NUP85: variants seen among roughly 807,000 people sequenced by gnomAD.
The protein encoded by NUP85 is nuclear pore complex protein Nup85.
Under a neutral mutation model 92.8 loss-of-function variants are expected in NUP85, and 23 were observed. That is an observed-to-expected ratio of 0.25 (90% CI 0.18 to 0.35). The LOEUF is 0.35. Among genes scored for constraint, NUP85 ranks in the 10% least tolerant of loss-of-function variants. NUP85 has a pLI of 1.00. For missense variants in NUP85, 759 were observed against 822.8 expected, an observed-to-expected ratio of 0.92 and a Z score of 0.95; for synonymous variants, 314 against 306.9, an observed-to-expected ratio of 1.02 and a Z score of -0.24.
chr17:75,208,481 A>G, intron 1 of NUP85, 46 bp from the exon 2 acceptor site: 1 of 1,032,272 alleles, frequency 9.7e-7, no homozygotes, highest in South Asian at 1.4e-5. Context: ...CAACTTCAGT[A>G]AGAAGAACAT....
intron 18 of NUP85, 53 bp downstream of exon 18, chr17:75,235,254 C>T: frequency 7.4e-7 from 1 of 1,352,230 alleles, no homozygotes. Context: ...AAAAGGCTCC[C>T]TCTATCTCAG....
chr17:75,234,384 C>CTTGTTATGTA (rs2076239796), intron 16 of NUP85, among the ~76,000 whole-genome samples: 1 of 152,278 alleles, frequency 6.6e-6, no homozygotes, highest in East Asian at 1.9e-4. Context: ...ATCCATGACT[C>CTTGTTATGTA]TTGTTATGTA....
At chr17:75,206,254 C>A (rs1261929102) in intron 1 of NUP85, among the ~76,000 whole-genome samples, 1 of 152,084 alleles carries the variant, frequency 6.6e-6, no homozygotes, top group Non-Finnish European at 1.5e-5. Context: ...TCCATTTGAA[C>A]TTTGAAGACA....
At chr17:75,221,691 G>A (rs997190596) in intron 7 of NUP85, among the ~76,000 whole-genome samples, 1 of 152,200 alleles carries the variant, frequency 6.6e-6, no homozygotes, top group Non-Finnish European at 1.5e-5. Flanking sequence ...TTGATGCACA[G>A]TAAAAGCTAG....
rs750922664 is a variant in NUP85 at position 75,225,233 on chromosome 17, T to G, written c.728T>G (p.Leu243Arg). ...MGDLMRTMPI[L>R]SPGNTQTLTE... ...GACCTGATGAGGACAATGCCCATTC[T>G]TAGTGTACGTGGGGGTAGCTTTGCT... Residue 243 changes from leucine to arginine, a missense_variant, in exon 8 of 19, where the codon CTT (leucine) becomes CGT (arginine). Transcript: ENST00000245544. 1.8e-5 allele frequency: 29 copies of G among 1,604,602 alleles called. No individual in the cohort carries two copies. The highest frequency in any genetic ancestry group is 2.3e-5 in the Non-Finnish European group (27 of 1,173,724).
At chr17:75,228,329 A>G (rs2075904115) in intron 11 of NUP85, 2 of 985,428 alleles carry the variant, frequency 2.0e-6, no homozygotes, top group Non-Finnish European at 2.4e-6. Context: ...TTAGGCTTGC[A>G]GTCCCCCAGT....
intron 11 of NUP85, among the ~76,000 whole-genome samples, chr17:75,227,335 T>TTTG (rs2075845039): frequency 8.1e-6 from 1 of 123,986 alleles, no homozygotes; most frequent in Non-Finnish European, 1.7e-5. Context: ...GGTTTTTTTT[T>TTTG]TTTTTTTTTT....
At chr17:75,213,141 G>A (rs1321610266) in intron 5 of NUP85, 22 bp downstream of exon 5, 1 of 1,612,006 alleles carries the variant, frequency 6.2e-7, no homozygotes, top group African/African-American at 1.3e-5. Flanking sequence ...CACCTTTATT[G>A]TTTTAGCACC....
At chr17:75,213,545 G>A (rs937641260) in intron 5 of NUP85, among the ~76,000 whole-genome samples, 5 of 151,840 alleles carry the variant, frequency 3.3e-5, no homozygotes, top group East Asian at 3.9e-4. Flanking sequence ...CACCCGCCTC[G>A]ACCTCCCAAA....
At chr17:75,221,561 T>G (rs2075599510) in intron 7 of NUP85, among the ~76,000 whole-genome samples, 1 of 152,184 alleles carries the variant, frequency 6.6e-6, no homozygotes, top group African/African-American at 2.4e-5. Context: ...TTGAGTGAGC[T>G]ACTTAACGGC....
At chr17:75,208,280 G>GAAA (rs56256592) in intron 1 of NUP85, 535 of 303,990 alleles carry the variant, frequency 1.8e-3, no homozygotes, top group Non-Finnish European at 2.4e-3. Flanking sequence ...TACTAAAAAT[G>GAAA]AAAAAAAAAA....
At chr17:75,228,566 G>A (rs553412638) in intron 11 of NUP85, 46 of 985,318 alleles carry the variant, frequency 4.7e-5, no homozygotes, top group Non-Finnish European at 5.5e-5. Context: ...GGTTGAATTG[G>A]GGTCTTGTGG....
At position 75,234,647 on chromosome 17, in the gene NUP85, C is replaced by T. The variant is rs367921124; in HGVS notation, c.1626C>T (p.Arg542=). The T allele has an allele frequency of 1.7e-5, 27 of 1,614,016 alleles. No homozygotes were observed. The highest frequency in any genetic ancestry group is 4.5e-5 in the East Asian group (2 of 44,884). The change falls in exon 17 of 19, where the codon CGC becomes CGT. Residue 542 remains arginine, a synonymous_variant. Transcript: ENST00000245544. ...SDRLTFLGKY[R]EFHRMYGEKR... is the part of the protein sequence containing the mutation. The stretch of plus-strand genomic sequence containing the variant: ...CTTGTTTCGCCATAGGAAAGTATCG[C>T]GAGTTCCACCGTATGTACGGGGAGA...
chr17:75,215,599 G>T (rs1023859988), intron 5 of NUP85, among the ~76,000 whole-genome samples, 155 bp from the exon 6 acceptor site: 8 of 152,196 alleles, frequency 5.3e-5, no homozygotes, highest in Non-Finnish European at 1.2e-4. Flanking sequence ...ACATCCTCAC[G>T]CTGGCTCCCC....
chr17:75,225,880 C>T lies in NUP85; in HGVS notation c.987+51C>T, dbSNP rs1241266799. On this transcript the variant is annotated intron_variant, in intron 10 of 18. Coordinates refer to ENST00000245544, the MANE Select transcript of NUP85 (RefSeq NM_024844.5). ...GTGGGGGTAGGAGTCCTGGGGGCGCCCTGATGGGTCATTCTCTTTGAATTC... is the reference window on the plus strand; with the variant it reads ...GTGGGGGTAGGAGTCCTGGGGGCGCTCTGATGGGTCATTCTCTTTGAATTC... 6 of 1,609,580 alleles carry T rather than the reference C, an allele frequency of 3.7e-6. No homozygotes were observed. In the Admixed American group the frequency reaches 6.7e-5, roughly 18 times the overall value.
rs1005460276 is a variant in NUP85, at chr17:75,231,631, C to T, written c.1237C>T (p.His413Tyr). The stretch of plus-strand genomic sequence containing the variant: ...GGAGTACGCCTCGGGACTGTTTGCT[C>T]ATCCCAGGTAGGAAGGACCCCATGG... ...LLEYASGLFAHPSLWQLGVDY... is the reference protein window; with the variant it reads ...LLEYASGLFAYPSLWQLGVDY... The change falls in exon 13 of 19, where the codon CAT becomes TAT. Residue 413 changes from histidine to tyrosine, a missense_variant. Coordinates refer to ENST00000245544, the MANE Select transcript of NUP85 (RefSeq NM_024844.5). The surrounding 1 kb of genome is among the most constrained non-coding windows in gnomAD (Gnocchi z 4.6). 6.2e-7 allele frequency: 1 copy of T among 1,614,004 alleles called. No homozygotes were observed. The highest frequency in any genetic ancestry group is 8.5e-7 in the Non-Finnish European group (1 of 1,180,018).
intron 17 of NUP85, 65 bp downstream of exon 17, chr17:75,234,853 C>G (rs1215174771): frequency 1.3e-6 from 2 of 1,585,264 alleles, no homozygotes; most frequent in Non-Finnish European, 1.7e-6. Flanking sequence ...AGTTGTATAG[C>G]TGTTGCCGAT....
chr17:75,222,092 G>A (rs1334768702), intron 7 of NUP85, among the ~76,000 whole-genome samples: 1 of 152,074 alleles, frequency 6.6e-6, no homozygotes, highest in African/African-American at 2.4e-5. Flanking sequence ...TGCCCATGTT[G>A]GAGTGCAGTG....
rs771947376 is a variant in NUP85, at chr17:75,231,344, G to A, written c.1099G>A (p.Ala367Thr). The change falls in exon 12 of 19, where the codon GCC becomes ACC. Residue 367 changes from alanine (A) to threonine (T), a missense_variant. Physicochemically the swap from Ala to Thr is moderately conservative, Grantham distance 58. Coordinates refer to ENST00000245544, the MANE Select transcript of NUP85 (RefSeq NM_024844.5). This position sits in a 1 kb window ranked among gnomAD's most constrained non-coding sequence, Gnocchi z 4.6. ...CCTTGGTGTCTGAATCTGCAGCATCGCCCTGAGCAACTGGTGGTTTGTGGC... is the reference window on the plus strand; with the variant it reads ...CCTTGGTGTCTGAATCTGCAGCATCACCCTGAGCAACTGGTGGTTTGTGGC... ...IHQVIKECSI[A>T]LSNWWFVAHL... 52 of 1,613,944 alleles carry A rather than the reference G, an allele frequency of 3.2e-5. No homozygotes were observed. Among genetic ancestry groups the A allele is most frequent in the Middle Eastern group, 1.6e-4 (1 of 6,084 alleles).
Sources: gnomAD v4.1 joint callset for allele counts (sites outside exome capture counted in the v4.1 genomes callset) on GRCh38, gnomAD v4.1.1 for gene constraint, Gnocchi (gnomAD v3.1) non-coding constraint, MANE v1.5 for transcripts, NCBI Gene and HGNC (gene_info 2026-07-23, HGNC 2026-07-21) for gene names.